The following CCDC33 variants were observed in gnomAD, a reference collection of about 807,000 sequenced individuals.
CCDC33 encodes coiled-coil domain-containing protein 33.
In CCDC33, 94 loss-of-function variants were observed where a neutral mutation model predicts 91.9. The observed-to-expected ratio is 1.02, with a 90% CI of 0.87 to 1.21. CCDC33 has a LOEUF of 1.21. CCDC33 is among the 50% of genes most tolerant of loss of function. The pLI is 0.00. For synonymous variants in CCDC33, 396 were observed against 374.5 expected, an observed-to-expected ratio of 1.06 and a Z score of -0.66; for missense variants, 940 against 935.5, an observed-to-expected ratio of 1.00 and a Z score of -0.06.
chr15:74,268,505 G>T, intron 5 of CCDC33, 47 bp downstream of exon 5: 1 of 1,415,850 alleles, frequency 7.1e-7, no homozygotes, highest in South Asian at 1.2e-5. Flanking sequence ...GTGGGAAAGG[G>T]CCAAGCTTTG....
chr15:74,206,915 C>G (rs2074272701), intron 1 of CCDC33, among the ~76,000 whole-genome samples: 1 of 152,222 alleles, frequency 6.6e-6, no homozygotes, highest in Non-Finnish European at 1.5e-5. Flanking sequence ...AGCAGGTCTC[C>G]CAACTGGGCA....
At chr15:74,281,695 C>T (rs1040138167) in intron 9 of CCDC33, 83 bp from the exon 10 acceptor site, 2 of 1,261,516 alleles carry the variant, frequency 1.6e-6, no homozygotes, top group Admixed American at 1.7e-5. Flanking sequence ...TGACACCTTC[C>T]AGAGAAATCT....
Position 74,331,299 on chromosome 15 carries a change from G to C in CCDC33, c.1771+3G>C. 1.2e-6 allele frequency: 2 copies of C among 1,613,654 alleles called. No homozygotes were observed. Among genetic ancestry groups the C allele is most frequent in the Non-Finnish European group, 1.7e-6 (2 of 1,179,754 alleles). On this transcript the variant is annotated splice_donor_region_variant and intron_variant, in intron 15 of 18. Transcript: ENST00000398814. ...GCAGCAGGGAAAGCCCTACACGGGTGGGTCCACACCCTGATGTGATCAGCT... is the reference window on the plus strand; with the variant it reads ...GCAGCAGGGAAAGCCCTACACGGGTCGGTCCACACCCTGATGTGATCAGCT...
At chr15:74,333,008 C>A in intron 16 of CCDC33, 163 bp downstream of exon 16, 1 of 841,618 alleles carries the variant, frequency 1.2e-6, no homozygotes, top group Non-Finnish European at 1.8e-6. Context: ...TGGTCTTTTT[C>A]TCCTGCGGAA....
At chr15:74,265,357 C>T (rs1477353687) in intron 3 of CCDC33, among the ~76,000 whole-genome samples, 2 of 152,146 alleles carry the variant, frequency 1.3e-5, no homozygotes, top group Non-Finnish European at 2.9e-5. Flanking sequence ...TCCTTTCTTA[C>T]CTCATCTCTC....
At chr15:74,269,782 G>T (rs1328606778) in intron 5 of CCDC33, among the ~76,000 whole-genome samples, 1 of 152,042 alleles carries the variant, frequency 6.6e-6, no homozygotes, top group Non-Finnish European at 1.5e-5. Context: ...CTCCATCCGT[G>T]CGACAGGTAT....
chr15:74,231,995 C>G (rs1035010076), upstream of CCDC33, among the ~76,000 whole-genome samples: 3 of 152,140 alleles, frequency 2.0e-5, no homozygotes, highest in African/African-American at 4.8e-5. Flanking sequence ...GCCTGGGAGA[C>G]AGAATGAGAC....
intron 1 of CCDC33, among the ~76,000 whole-genome samples, chr15:74,206,302 T>A (rs1365085987): frequency 6.6e-6 from 1 of 152,186 alleles, no homozygotes; most frequent in Non-Finnish European, 1.5e-5. Context: ...GGTGGCCGCG[T>A]GGCTCAAGCT....
Position 74,271,794 on chromosome 15 carries a change from A to G in CCDC33, c.638A>G (p.Lys213Arg). The G allele has an allele frequency of 5.0e-6, 8 of 1,613,492 alleles. No homozygotes were observed. Among genetic ancestry groups the G allele is most frequent in the Non-Finnish European group, 6.8e-6 (8 of 1,179,564 alleles). Residue 213 changes from lysine to arginine, a missense_variant and splice_region_variant, in exon 6 of 19, where the codon AAG becomes AGG. Lys to Arg is a conservative substitution (Grantham distance 26). Coordinates refer to ENST00000398814, the MANE Select transcript of CCDC33 (RefSeq NM_025055.5). Reference protein sequence around the residue: ...ARVVPNYKEFKVSQANRDLAS... With the variant: ...ARVVPNYKEFRVSQANRDLAS... ...GTCGTTCCCAACTACAAGGAATTTA[A>G]GTGAGTGGGGCCCAGGTGGACCTGG... is the stretch of plus-strand genomic sequence containing the variant.
upstream of CCDC33, among the ~76,000 whole-genome samples, chr15:74,216,018 G>T (rs1040498228): frequency 1.3e-5 from 2 of 152,222 alleles, no homozygotes; most frequent in Non-Finnish European, 2.9e-5. Flanking sequence ...CTGCTTGCAG[G>T]GGATGGGGCC....
In CCDC33 at chr15:74,273,094, G is replaced by A. The variant is rs181501755; in HGVS notation, c.759+203G>A. 3.5e-4 allele frequency among the ~76,000 whole-genome samples: 53 copies of A among 152,384 alleles called. No homozygotes were observed. In the South Asian group the frequency reaches 4.1e-3, roughly 12 times the overall value. ...TTGGTCTGGTGAAGATGGGAGTCAC[G>A]TGGGTGAAAAAGTTGAACATCAACA... is the stretch of plus-strand genomic sequence containing the variant. On this transcript the variant is annotated intron_variant, in intron 7 of 18. Transcript: ENST00000398814.
In CCDC33 at chr15:74,236,602, G is replaced by T; in HGVS notation, c.-118G>T. On this transcript the variant is annotated 5_prime_UTR_variant, in exon 1 of 19. In the 5' UTR this introduces an upstream ATG that the reference lacks. Transcript: ENST00000398814. ...CCTCCATACTGTCTACTACCCATAA[G>T]GACTCCAAGACGCCCAGGCCAGCTG... 2.6e-6 allele frequency: 2 copies of T among 767,006 alleles called. No individual in the cohort carries two copies. Among genetic ancestry groups the T allele is most frequent in the Non-Finnish European group, 2.1e-6 (1 of 468,862 alleles). 47.5% of individuals were successfully genotyped at this position (767,006 alleles called of 1,614,324 possible).
intron 15 of CCDC33, 114 bp from the exon 16 acceptor site, chr15:74,332,565 C>T (rs2060461337): frequency 8.9e-7 from 1 of 1,129,442 alleles, no homozygotes; most frequent in Non-Finnish European, 1.3e-6. Flanking sequence ...CCATTGAAGG[C>T]TTGGGAGTAG....
At chr15:74,288,784 G>A (rs1263955803) in intron 10 of CCDC33, among the ~76,000 whole-genome samples, 1 of 152,200 alleles carries the variant, frequency 6.6e-6, no homozygotes, top group Non-Finnish European at 1.5e-5. Context: ...AGGTGGCCAA[G>A]ACACTTGAAG....
intron 3 of CCDC33, among the ~76,000 whole-genome samples, chr15:74,264,402 T>C (rs1595977978): frequency 1.3e-5 from 2 of 151,910 alleles, no homozygotes; most frequent in Non-Finnish European, 2.9e-5. Flanking sequence ...GCTGATGAAG[T>C]GTGTTTGTAG....
rs1202704004 is a variant in CCDC33, at chr15:74,336,045, C to A, written c.2260C>A (p.Gln754Lys). 6.2e-7 allele frequency: 1 copy of A among 1,613,800 alleles called. No homozygotes were observed. Among genetic ancestry groups the A allele is most frequent in the East Asian group, 2.2e-5 (1 of 44,886 alleles). Residue 754 changes from glutamine to lysine, a missense_variant, in exon 19 of 19, where the codon CAG becomes AAG. Gln to Lys is a moderately conservative substitution (Grantham distance 53). Coordinates refer to ENST00000398814, the MANE Select transcript of CCDC33 (RefSeq NM_025055.5). Reference protein sequence around the residue: ...SPQKETANSQQT With the variant: ...SPQKETANSQKT ...CCAGAAGGAGACCGCTAACTCTCAGCAGACCTGAGCCCCAGAGCAGGCCTC... is the reference window on the plus strand; with the variant it reads ...CCAGAAGGAGACCGCTAACTCTCAGAAGACCTGAGCCCCAGAGCAGGCCTC...
At position 74,330,676 on chromosome 15, in the gene CCDC33, G is replaced by T; in HGVS notation, c.1470G>T (p.Gln490His). The change falls in exon 13 of 19, where the codon CAG (glutamine) becomes CAT (histidine). Residue 490 changes from glutamine (Q) to histidine (H), a missense_variant. Physicochemically the swap from Gln to His is conservative, Grantham distance 24. Transcript: ENST00000398814. ...SEAQNTVSMK[Q>H]KLLLSELDMK... Reference sequence around the variant, plus strand: ...CCCACCTAACAGTGTCCATGAAGCAGAAACTGCTGCTGAGTGAGCTGGATA... The same window carrying T: ...CCCACCTAACAGTGTCCATGAAGCATAAACTGCTGCTGAGTGAGCTGGATA... The T allele has an allele frequency of 6.2e-7, 1 of 1,613,486 alleles. No individual in the cohort carries two copies.
At chr15:74,284,569 T>C (rs1005946678) in intron 10 of CCDC33, among the ~76,000 whole-genome samples, 6 of 152,196 alleles carry the variant, frequency 3.9e-5, no homozygotes, top group Middle Eastern at 3.4e-3. Flanking sequence ...TTTAGGAATA[T>C]TACACTGAAG....
chr15:74,272,429 T>A (rs1203089297), intron 6 of CCDC33, among the ~76,000 whole-genome samples: 3 of 152,190 alleles, frequency 2.0e-5, no homozygotes, highest in African/African-American at 7.2e-5. Flanking sequence ...GAAATTCCCC[T>A]ATGAACGTGT....
Sources: gnomAD v4.1 joint callset for allele counts (sites outside exome capture counted in the v4.1 genomes callset) on GRCh38, gnomAD v4.1.1 for gene constraint, MANE v1.5 for transcripts, NCBI Gene and HGNC (gene_info 2026-07-23, HGNC 2026-07-21) for gene names.